The following USP7 variants were observed in gnomAD, a reference collection of about 807,000 sequenced individuals.
USP7 encodes ubiquitin C-terminal hydrolase 7.
Under a neutral mutation model 162.9 loss-of-function variants are expected in USP7, and 9 were observed. That is an observed-to-expected ratio of 0.06 (90% CI 0.03 to 0.10). The LOEUF is 0.10. USP7 is among the 10% of genes least tolerant of loss of function. USP7 has a pLI of 1.00. For missense variants in USP7, 715 were observed against 1,373.7 expected (o/e 0.52, Z 7.58); for synonymous variants, 562 against 475.9 (o/e 1.18, Z -2.35).
At chr16:8,937,947 C>A (rs1011229880) in intron 1 of USP7, among the ~76,000 whole-genome samples, 1 of 152,114 alleles carries the variant, frequency 6.6e-6, no homozygotes, top group African/African-American at 2.4e-5. Context: ...CTACCATCTG[C>A]TTAAGTATTT....
At chr16:8,956,987 G>C (rs1596418214) in intron 1 of USP7, among the ~76,000 whole-genome samples, 1 of 152,096 alleles carries the variant, frequency 6.6e-6, no homozygotes, top group South Asian at 2.1e-4. Flanking sequence ...TCCCATGCTG[G>C]GTTCTTGCCA....
At chr16:8,901,865 C>T (rs747583280) in intron 18 of USP7, 8 of 570,914 alleles carry the variant, frequency 1.4e-5, no homozygotes, top group South Asian at 6.2e-5. Context: ...CAGAACAGGA[C>T]GGCCCCACGT....
In USP7 at chr16:8,902,096, T is replaced by A; in HGVS notation, c.2033A>T (p.Lys678Met). 1 of 1,614,168 alleles carries A rather than the reference T, an allele frequency of 6.2e-7. No homozygotes were observed. Among genetic ancestry groups the A allele is most frequent in the Non-Finnish European group, 8.5e-7 (1 of 1,180,026 alleles). Residue 678 changes from lysine to methionine, a missense_variant, in exon 18 of 31, where the codon AAG (lysine) becomes ATG (methionine). Transcript: ENST00000344836. ...TGGGCACTTACGATCTTTATCAAACTTGGGTAAGGTCGCTCCACTAGCAGC... is the reference window on the plus strand; with the variant it reads ...TGGGCACTTACGATCTTTATCAAACATGGGTAAGGTCGCTCCACTAGCAGC... Reference protein sequence around the residue: ...ELAASGATLPKFDKDHDVMLF... With the variant: ...ELAASGATLPMFDKDHDVMLF...
intron 21 of USP7, 170 bp from the exon 22 acceptor site, chr16:8,899,927 G>T (rs891775324): frequency 1.0e-5 from 8 of 771,248 alleles, no homozygotes; most frequent in Non-Finnish European, 1.7e-5. Flanking sequence ...CTCTGTAAGC[G>T]AGGCAAGTAT....
intron 11 of USP7, among the ~76,000 whole-genome samples, 180 bp from the exon 12 acceptor site, chr16:8,908,630 C>G (rs1375843822): frequency 6.6e-6 from 1 of 152,080 alleles, no homozygotes; most frequent in African/African-American, 2.4e-5. Flanking sequence ...GTTTATGGGT[C>G]TCTTTGTTTA....
chr16:8,913,663 G>C (rs1388832736), intron 10 of USP7, among the ~76,000 whole-genome samples: 3 of 152,048 alleles, frequency 2.0e-5, no homozygotes, highest in African/African-American at 7.3e-5. Flanking sequence ...TTCCTAACGA[G>C]AATCCATATC....
Position 8,963,897 on chromosome 16 carries a change from G to A in USP7, c.-612C>T, listed in dbSNP as rs1429766562. Among the ~76,000 whole-genome samples the A allele has an allele frequency of 2.0e-5, 3 of 147,122 alleles. No homozygotes were observed. The highest frequency in any genetic ancestry group is 4.1e-4 in the South Asian group (2 of 4,824). On this transcript the variant is annotated 5_prime_UTR_variant, in exon 1 of 31. In the 5' UTR this introduces an upstream ATG that the reference lacks. Coordinates refer to ENST00000344836, the MANE Select transcript of USP7 (RefSeq NM_003470.3). ...GGCTCGCTCTCAAAATGGCGGCGGC[G>A]TGAAATGTCACATCCGCATGGGGGG...
rs371676359 is a variant in USP7 at position 8,899,576 on chromosome 16, G to C, written c.2463+28C>G. On this transcript the variant is annotated intron_variant, in intron 22 of 30. Transcript: ENST00000344836. ...AATTTGTCTTTCTGGAGTGGGATCT[G>C]AAGAGGAAAGGAGCATTTATTAAAT... 7.5e-6 allele frequency: 12 copies of C among 1,609,698 alleles called. No individual in the cohort carries two copies. The Admixed American group carries it at 1.0e-4, about 14-fold the overall frequency.
At chr16:8,930,668 A>G (rs150297856) in intron 1 of USP7, among the ~76,000 whole-genome samples, 2 of 152,184 alleles carry the variant, frequency 1.3e-5, no homozygotes, top group Non-Finnish European at 2.9e-5. Flanking sequence ...AAAACTTTTT[A>G]TATAAAATCT....
Position 8,947,346 on chromosome 16 carries a change from T to TC in USP7, c.79+15860dup, listed in dbSNP as rs565993351. Among the ~76,000 whole-genome samples, 347 of 148,064 alleles carry TC rather than the reference T, an allele frequency of 2.3e-3. 1 individual carries two copies. Among genetic ancestry groups the TC allele is most frequent in the South Asian group, 0.01 (47 of 4,650 alleles). The stretch of plus-strand genomic sequence containing the variant: ...CTGGTTTATTGTTTTTCCACAGCAC[T>TC]CCCCCCCCCAACACACACACACACA... On this transcript the variant is annotated intron_variant, in intron 1 of 30. Transcript: ENST00000344836.
chr16:8,909,784 G>GGCATA (rs2061915752), intron 11 of USP7, among the ~76,000 whole-genome samples: 1 of 152,126 alleles, frequency 6.6e-6, no homozygotes, highest in Non-Finnish European at 1.5e-5. Context: ...AAATTAGTTG[G>GGCATA]GCATAGTGGC....
rs562504022 is a variant in USP7 at position 8,900,406 on chromosome 16, T to C, written c.2309+124A>G. 97 of 595,460 alleles carry C rather than the reference T, an allele frequency of 1.6e-4. No homozygotes were observed. In the African/African-American group the frequency reaches 1.7e-3, roughly 10 times the overall value. The allele number at this position is 595,460 out of a possible 1,614,324, so 36.9% of individuals were successfully genotyped here. A position where few individuals can be genotyped will look rare whatever the true frequency, so the allele number is the denominator to read the frequency against. ...AACCCAGAGAAAGCCTCTCAACAGT[T>C]ACATTAAAAAAAACAAAAACAAAAA... On this transcript the variant is annotated intron_variant, in intron 21 of 30. Coordinates refer to ENST00000344836, the MANE Select transcript of USP7 (RefSeq NM_003470.3).
At chr16:8,897,150 T>G in intron 25 of USP7, 51 bp from the exon 26 acceptor site, 1 of 1,386,894 alleles carries the variant, frequency 7.2e-7, no homozygotes, top group Non-Finnish European at 1.0e-6. Flanking sequence ...ATAAAAGGTC[T>G]GCTACCACAA....
intron 1 of USP7, among the ~76,000 whole-genome samples, chr16:8,943,514 G>A (rs902043212): frequency 3.3e-5 from 5 of 152,022 alleles, no homozygotes; most frequent in Non-Finnish European, 4.4e-5. Flanking sequence ...GATCAACACC[G>A]AGAATGCAGG....
intron 13 of USP7, among the ~76,000 whole-genome samples, chr16:8,905,691 C>T (rs1347580): frequency 0.28 from 42,340 of 152,136 alleles, 5,936 homozygotes; most frequent in South Asian, 0.34. Flanking sequence ...ACTGAGCACA[C>T]CAAACGAGAG....
intron 1 of USP7, among the ~76,000 whole-genome samples, chr16:8,959,550 C>G (rs1353075560): frequency 1.3e-5 from 2 of 152,166 alleles, no homozygotes; most frequent in South Asian, 2.1e-4. Context: ...TAATTTCTCT[C>G]TACTGGGTTC....
intron 1 of USP7, chr16:8,936,734 C>G: frequency 2.2e-6 from 3 of 1,388,704 alleles, no homozygotes; most frequent in Non-Finnish European, 2.8e-6. Flanking sequence ...TTTTTTAAAG[C>G]ATCCCACAGA....
intron 1 of USP7, among the ~76,000 whole-genome samples, chr16:8,931,437 T>C (rs1376469284): frequency 6.6e-6 from 1 of 152,238 alleles, no homozygotes; most frequent in African/African-American, 2.4e-5. Context: ...TCCACCTGCC[T>C]TGGCCTCCCA....
chr16:8,916,982 A>AAAC lies in USP7; in HGVS notation c.851+43_851+44insGTT, dbSNP rs750583654. The AAAC allele has an allele frequency of 3.2e-5, 49 of 1,510,888 alleles. No individual in the cohort carries two copies. The South Asian group carries it at 6.6e-4, about 20-fold the overall frequency. 93.6% of individuals were successfully genotyped at this position (1,510,888 alleles called of 1,614,324 possible). ...ACTCACTTGTCCTAAAAAAAAAAAA[A>AAAC]AAAAGAGGAAGCAGAATGGCAAAGG... On this transcript the variant is annotated intron_variant, in intron 7 of 30. Coordinates refer to ENST00000344836, the MANE Select transcript of USP7 (RefSeq NM_003470.3).
Sources: gnomAD v4.1 joint callset for allele counts (sites outside exome capture counted in the v4.1 genomes callset) on GRCh38, gnomAD v4.1.1 for gene constraint, MANE v1.5 for transcripts, NCBI Gene and HGNC (gene_info 2026-07-23, HGNC 2026-07-21) for gene names.